Variants in ZNF773 observed in about 807,000 individuals in gnomAD.
ZNF773 encodes zinc finger protein 773, also known as zinc finger protein 419B.
A neutral mutation model predicts 12.8 loss-of-function variants in ZNF773; 11 were observed. The observed-to-expected ratio is 0.86, with a 90% CI of 0.54 to 1.42. The LOEUF (loss-of-function observed/expected upper bound fraction) is 1.42. Ranked by LOEUF, ZNF773 falls within the 40% of genes most tolerant of loss-of-function variation. The pLI, the probability that ZNF773 is intolerant of heterozygous loss-of-function variation, is 0.00. For missense variants in ZNF773, 518 were observed against 527.2 expected, an observed-to-expected ratio of 0.98 and a Z score of 0.17; for synonymous variants, 175 against 178.4, an observed-to-expected ratio of 0.98 and a Z score of 0.15.
In ZNF773 at chr19:57,507,601, A is replaced by G; in HGVS notation, c.*177A>G. ...GAATATGGTAAAAGGCCTCAGCCAA[A>G]GGCCTAACCGTATTCAACACCAGAA... On this transcript the variant is annotated 3_prime_UTR_variant, in exon 4 of 4. Coordinates refer to ENST00000282292, the MANE Select transcript of ZNF773 (RefSeq NM_198542.3). 1.4e-6 allele frequency: 2 copies of G among 1,417,176 alleles called. No individual in the cohort carries two copies. The highest frequency in any genetic ancestry group is 2.9e-5 in the African/African-American group (2 of 69,612). The allele number at this position is 1,417,176 out of a possible 1,614,324, so 87.8% of individuals were successfully genotyped here.
intron 1 of ZNF773, among the ~76,000 whole-genome samples, chr19:57,502,681 TTTTTG>T (rs1003286350): frequency 6.6e-6 from 1 of 152,012 alleles, no homozygotes; most frequent in Non-Finnish European, 1.5e-5. Flanking sequence ...GTCTGCGTTT[TTTTTG>T]TTTTGTTTTG....
chr19:57,511,208 T>A (rs975806), downstream of ZNF773, among the ~76,000 whole-genome samples: 2 of 151,496 alleles, frequency 1.3e-5, no homozygotes, highest in Admixed American at 1.3e-4. Context: ...CCGCCACCTC[T>A]CCCGGATACT....
chr19:57,504,691 A>G lies in ZNF773; in HGVS notation c.68A>G (p.Tyr23Cys), dbSNP rs1568579507. 1.9e-6 allele frequency: 3 copies of G among 1,613,872 alleles called. No individual in the cohort carries two copies. Among genetic ancestry groups the G allele is most frequent in the East Asian group, 2.2e-5 (1 of 44,858 alleles). The change falls in exon 2 of 4, where the codon TAC (tyrosine) becomes TGC (cysteine). Residue 23 changes from tyrosine to cysteine, a missense_variant. Transcript: ENST00000282292. ...GTGACCTTTGAGGACGTGGCTGTCTACTTCTCCCAGGAGGAATGGAGATTG... is the reference window on the plus strand; with the variant it reads ...GTGACCTTTGAGGACGTGGCTGTCTGCTTCTCCCAGGAGGAATGGAGATTG... ...GYVTFEDVAV[Y>C]FSQEEWRLLD... is the part of the protein sequence containing the mutation.
chr19:57,514,825 A>G (rs2089821788), downstream of ZNF773: 1 of 152,234 alleles, frequency 6.6e-6, no homozygotes. Context: ...TAGGAATAAT[A>G]GATAACCATT....
rs773754728 is a variant in ZNF773 at position 57,507,137 on chromosome 19, A to T, written c.1042A>T (p.Asn348Tyr). The T allele has an allele frequency of 6.2e-7, 1 of 1,613,966 alleles. No homozygotes were observed. The highest frequency in any genetic ancestry group is 8.5e-7 in the Non-Finnish European group (1 of 1,179,958). The change falls in exon 4 of 4, where the codon AAT becomes TAT. Residue 348 changes from asparagine to tyrosine, a missense_variant. Coordinates refer to ENST00000282292, the MANE Select transcript of ZNF773 (RefSeq NM_198542.3). ...KFYSHKSSLI[N>Y]HWRVHTGERP... is the part of the protein sequence containing the mutation. The stretch of plus-strand genomic sequence containing the variant: ...CTATAGCCACAAGTCCAGCCTTATC[A>T]ATCATTGGCGTGTTCACACTGGAGA...
At chr19:57,512,962 A>G (rs748259030), downstream of ZNF773, 4 of 1,482,934 alleles carry the variant, frequency 2.7e-6, no homozygotes, top group African/African-American at 5.8e-5. Context: ...GAGCCCTCTG[A>G]CCCCTTCTTT....
chr19:57,508,329 C>A, downstream of ZNF773: 3 of 690,718 alleles, frequency 4.3e-6, no homozygotes, highest in Non-Finnish European at 5.3e-6. Flanking sequence ...CCTGTATTGG[C>A]TGCACCAGTC....
intron 1 of ZNF773, among the ~76,000 whole-genome samples, chr19:57,501,579 T>C (rs1256517864): frequency 6.6e-6 from 1 of 152,078 alleles, no homozygotes; most frequent in East Asian, 1.9e-4. Flanking sequence ...AAGTTGAGCA[T>C]TTTTCCAAGG....
At chr19:57,514,726 A>G (rs2089821161), downstream of ZNF773, 1 of 152,252 alleles carries the variant, frequency 6.6e-6, no homozygotes, top group African/African-American at 2.4e-5. Flanking sequence ...GATGTGATCC[A>G]GACAAAATTA....
downstream of ZNF773, chr19:57,513,376 GT>G (rs1205294696): frequency 4.1e-6 from 1 of 241,332 alleles, no homozygotes; most frequent in Admixed American, 5.6e-5. Context: ...GAAAACTGGG[GT>G]GAAGATTTGC....
Position 57,507,087 on chromosome 19 carries a change from A to G in ZNF773, c.992A>G (p.Tyr331Cys). Residue 331 changes from tyrosine to cysteine, a missense_variant, in exon 4 of 4, where the codon TAT (tyrosine) becomes TGT (cysteine). Transcript: ENST00000282292. The stretch of plus-strand genomic sequence containing the variant: ...AGAGTTCACACTGGAGAAAGACCTT[A>G]TAAGTGCAGTGAATGTGGAAAATTC... The part of the protein sequence containing the change: ...HQRVHTGERP[Y>C]KCSECGKFYS... The G allele has an allele frequency of 1.9e-6, 3 of 1,614,044 alleles. No individual in the cohort carries two copies. Among genetic ancestry groups the G allele is most frequent in the East Asian group, 2.2e-5 (1 of 44,876 alleles).
chr19:57,512,953 A>G, downstream of ZNF773: 2 of 1,447,596 alleles, frequency 1.4e-6, no homozygotes, highest in Non-Finnish European at 1.8e-6. Flanking sequence ...AGAAGCAAGG[A>G]GCCCTCTGAC....
intron 1 of ZNF773, 71 bp downstream of exon 1, chr19:57,500,184 G>A (rs1197778355): frequency 4.6e-6 from 7 of 1,519,378 alleles, no homozygotes; most frequent in Non-Finnish European, 6.2e-6. Flanking sequence ...CAGGTCCCCG[G>A]GTGCAGAACT....
At chr19:57,514,527 C>G (rs986193882), downstream of ZNF773, 2 of 152,182 alleles carry the variant, frequency 1.3e-5, no homozygotes, top group Admixed American at 6.5e-5. Flanking sequence ...GCCACAAAAG[C>G]CTTTGCTTCT....
chr19:57,508,710 T>G (rs2089773213), downstream of ZNF773: 2 of 549,708 alleles, frequency 3.6e-6, no homozygotes, highest in Non-Finnish European at 3.2e-6. Context: ...TCATAGGCCA[T>G]TCATTTTAAC....
At position 57,507,518 on chromosome 19, in the gene ZNF773, T is replaced by C. The variant is rs539245342; in HGVS notation, c.*94T>C. On this transcript the variant is annotated 3_prime_UTR_variant, in exon 4 of 4. Transcript: ENST00000282292. The stretch of plus-strand genomic sequence containing the variant: ...CTTGAAGGTTACTAATGGAAATCCA[T>C]TAGCTATACCTCCAAACTCATTCAA... 82 of 1,486,394 alleles carry C rather than the reference T, an allele frequency of 5.5e-5. No individual in the cohort carries two copies. In the Middle Eastern group the frequency reaches 9.3e-4, roughly 17 times the overall value. The allele number at this position is 1,486,394 out of a possible 1,614,324, so 92.1% of individuals were successfully genotyped here.
At position 57,507,431 on chromosome 19, in the gene ZNF773, GA is replaced by G; in HGVS notation, c.*10del. The G allele has an allele frequency of 6.3e-7, 1 of 1,576,156 alleles. No homozygotes were observed. Among genetic ancestry groups the G allele is most frequent in the Non-Finnish European group, 8.6e-7 (1 of 1,163,960 alleles). On this transcript the variant is annotated 3_prime_UTR_variant, in exon 4 of 4. Transcript: ENST00000282292. ...CACTGGAGAAATACAATGATTGTGAGAAATCCTTTAGCTGGTGTTTCAACCT... is the reference window on the plus strand; with the variant it reads ...CACTGGAGAAATACAATGATTGTGAGAATCCTTTAGCTGGTGTTTCAACCT...
chr19:57,506,273 T>A, intron 3 of ZNF773, 85 bp from the exon 4 acceptor site: 2 of 1,534,046 alleles, frequency 1.3e-6, no homozygotes, highest in Non-Finnish European at 1.7e-6. Flanking sequence ...ACACGCTAAT[T>A]ACCAGGTGTG....
At chr19:57,511,707 A>G (rs2089796983), downstream of ZNF773, among the ~76,000 whole-genome samples, 1 of 150,486 alleles carries the variant, frequency 6.6e-6, no homozygotes, top group Admixed American at 6.6e-5. Flanking sequence ...GCCAAACACT[A>G]GAAGCTGTTT....
Sources: gnomAD v4.1 joint callset for allele counts (sites outside exome capture counted in the v4.1 genomes callset) on GRCh38, gnomAD v4.1.1 for gene constraint, MANE v1.5 for transcripts, NCBI Gene and HGNC (gene_info 2026-07-23, HGNC 2026-07-21) for gene names.